The following REV1 variants were observed in gnomAD, a reference collection of about 807,000 sequenced individuals.
The protein encoded by REV1 is REV1 DNA directed polymerase.
In REV1, 42 loss-of-function variants were observed where a neutral mutation model predicts 137.4. That is an observed-to-expected ratio of 0.31 (90% confidence interval 0.24 to 0.40). REV1 has a LOEUF of 0.40. REV1 is among the 10% of genes least tolerant of loss of function. The pLI is 1.00. For synonymous variants in REV1, 524 were observed against 519.2 expected, an observed-to-expected ratio of 1.01 and a Z score of -0.12; for missense variants, 1,282 against 1,490.1, an observed-to-expected ratio of 0.86 and a Z score of 2.30.
chr2:99,484,215 G>A (rs1051513154), intron 1 of REV1, among the ~76,000 whole-genome samples: 1 of 152,162 alleles, frequency 6.6e-6, no homozygotes. Flanking sequence ...TAGACACTGA[G>A]TCTACTTAAG....
chr2:99,435,959 G>A lies in REV1; in HGVS notation c.1214-18C>T, dbSNP rs1680693981. The A allele has an allele frequency of 2.9e-6, 4 of 1,362,560 alleles. No individual in the cohort carries two copies. Among genetic ancestry groups the A allele is most frequent in the Non-Finnish European group, 4.2e-6 (4 of 955,522 alleles). The allele number at this position is 1,362,560 out of a possible 1,614,324, so 84.4% of individuals were successfully genotyped here. On this transcript the variant is annotated intron_variant, in intron 6 of 22. Coordinates refer to ENST00000258428, the MANE Select transcript of REV1 (RefSeq NM_016316.4). ...CATATCTCCTAGAAGGAAAAAGACA[G>A]CATTCAAACCCCAAGCTAATTTTTA... is the stretch of plus-strand genomic sequence containing the variant.
intron 14 of REV1, 46 bp downstream of exon 14, chr2:99,410,649 C>G: frequency 6.8e-7 from 1 of 1,475,884 alleles, no homozygotes; most frequent in Middle Eastern, 1.8e-4. Flanking sequence ...TTACAACAAC[C>G]TGTACTGAAA....
intron 12 of REV1, 64 bp downstream of exon 12, chr2:99,418,764 T>A (rs1036196400): frequency 6.8e-7 from 1 of 1,480,814 alleles, no homozygotes; most frequent in African/African-American, 1.4e-5. Flanking sequence ...CAGTTCTATA[T>A]TATAGATATG....
rs1313681992 is a variant in REV1 at position 99,487,142 on chromosome 2, G to A, written c.-11+2675C>T. Among the ~76,000 whole-genome samples, 3 of 152,202 alleles carry A rather than the reference G, an allele frequency of 2.0e-5. No individual in the cohort carries two copies. The East Asian group carries it at 5.8e-4, about 29-fold the overall frequency. On this transcript the variant is annotated intron_variant, in intron 1 of 22. Transcript: ENST00000258428. Reference sequence around the variant, plus strand: ...ATAGTAAGTATAACATCCTAAGGAAGAAACACTTTGTTCAAGAACCGGCAA... The same window carrying A: ...ATAGTAAGTATAACATCCTAAGGAAAAAACACTTTGTTCAAGAACCGGCAA...
chr2:99,407,078 T>C (rs986965142), intron 15 of REV1: 6 of 106,936 alleles, frequency 5.6e-5, no homozygotes, highest in African/African-American at 2.2e-4. Context: ...CCTACAAAGG[T>C]TCTTTTTTTT....
chr2:99,421,160 T>G (rs1678614801), intron 11 of REV1, among the ~76,000 whole-genome samples: 1 of 151,966 alleles, frequency 6.6e-6, no homozygotes, highest in Non-Finnish European at 1.5e-5. Context: ...GTAACAAGAC[T>G]CAGACTTAAC....
At chr2:99,433,684 T>C (rs533985510) in intron 8 of REV1, among the ~76,000 whole-genome samples, 2 of 152,312 alleles carry the variant, frequency 1.3e-5, no homozygotes, top group South Asian at 2.1e-4. Context: ...CTCTTTGGCT[T>C]TGCAAAACAA....
rs540529048 is a variant in REV1 at position 99,407,608 on chromosome 2, T to C, written c.2448+421A>G. Among the ~76,000 whole-genome samples the C allele has an allele frequency of 4.9e-4, 74 of 151,838 alleles. No homozygotes were observed. The South Asian group carries it at 0.015, about 32-fold the overall frequency. ...TTTTGACATTTTGATGCCTCTTGCC[T>C]GTTTCAAAGGCATCTTGATGTGCCT... On this transcript the variant is annotated intron_variant, in intron 15 of 22. Transcript: ENST00000258428.
Position 99,411,761 on chromosome 2 carries a change from TATGTTA to T in REV1, c.2173-900_2173-895del, listed in dbSNP as rs1677186671. On this transcript the variant is annotated intron_variant, in intron 13 of 22. Transcript: ENST00000258428. Reference sequence around the variant, plus strand: ...GACTTGTCGAAAATTCTTTTGTAACTATGTTAATAAGTTCTGCTAATAAAATGTGTG... The same window carrying T: ...GACTTGTCGAAAATTCTTTTGTAACTATAAGTTCTGCTAATAAAATGTGTG... Among the ~76,000 whole-genome samples, 6 of 152,096 alleles carry T rather than the reference TATGTTA, an allele frequency of 3.9e-5. No individual in the cohort carries two copies. The South Asian group carries it at 1.0e-3, about 26-fold the overall frequency.
intron 1 of REV1, among the ~76,000 whole-genome samples, chr2:99,478,604 C>A (rs1686242060): frequency 6.6e-6 from 1 of 152,134 alleles, no homozygotes; most frequent in Non-Finnish European, 1.5e-5. Flanking sequence ...TCAGGGATTC[C>A]AAAGGCCACA....
chr2:99,465,182 C>T (rs1234175670), intron 1 of REV1, among the ~76,000 whole-genome samples, 197 bp from the exon 2 acceptor site: 3 of 146,120 alleles, frequency 2.1e-5, no homozygotes, highest in Non-Finnish European at 3.0e-5. Flanking sequence ...AAACACCCTC[C>T]TACACATGTT....
Position 99,410,843 on chromosome 2 carries a change from G to A in REV1, c.2197C>T (p.Leu733=). ...CTTTGAATTTCTTCTGAAAGACTCA[G>A]AAGAAAAGCTTCTGCCTCTTTTGGC... The part of the protein sequence containing the change: ...TQPKEAEAFL[L]SLSEEIQRRL... The change falls in exon 14 of 23, where the codon CTG becomes TTG. Residue 733 remains leucine (L), a synonymous_variant. Coordinates refer to ENST00000258428, the MANE Select transcript of REV1 (RefSeq NM_016316.4). 6.3e-7 allele frequency: 1 copy of A among 1,591,846 alleles called. No individual in the cohort carries two copies. Among genetic ancestry groups the A allele is most frequent in the Non-Finnish European group, 8.5e-7 (1 of 1,174,442 alleles).
intron 3 of REV1, among the ~76,000 whole-genome samples, chr2:99,454,091 T>TATC (rs531407849): frequency 3.2e-4 from 48 of 151,786 alleles, no homozygotes; most frequent in African/African-American, 1.0e-3. Flanking sequence ...GCAATGGCTC[T>TATC]ATCATAGCTC....
intron 1 of REV1, among the ~76,000 whole-genome samples, chr2:99,467,892 A>G (rs1684989016): frequency 6.6e-6 from 1 of 151,736 alleles, no homozygotes. Context: ...TTAAAAATAC[A>G]AAAGATTGCT....
intron 3 of REV1, among the ~76,000 whole-genome samples, chr2:99,452,421 T>TG (rs1553561288): frequency 8.0e-6 from 1 of 125,452 alleles, no homozygotes; most frequent in Non-Finnish European, 1.7e-5. Flanking sequence ...AGAGCCTGTC[T>TG]AAAAAAAAAA....
intron 1 of REV1, among the ~76,000 whole-genome samples, chr2:99,489,014 G>A (rs28369929): frequency 0.067 from 10,220 of 152,246 alleles, 590 homozygotes; most frequent in Non-Finnish European, 0.1. Context: ...TTATCTTACG[G>A]AGGAGTACAT....
intron 3 of REV1, among the ~76,000 whole-genome samples, chr2:99,450,656 C>G (rs1041328347): frequency 6.6e-6 from 1 of 151,960 alleles, no homozygotes; most frequent in Non-Finnish European, 1.5e-5. Context: ...TTATGCAAGC[C>G]ACATAAATAA....
At chr2:99,442,271 A>AAC (rs1681605330) in intron 5 of REV1, 46 bp downstream of exon 5, 5 of 1,471,108 alleles carry the variant, frequency 3.4e-6, no homozygotes, top group Non-Finnish European at 4.5e-6. Context: ...AAAAAAAAAA[A>AAC]AAAAACCAAC....
chr2:99,405,757 A>G (rs1676190631), intron 17 of REV1, 153 bp downstream of exon 17: 2 of 495,220 alleles, frequency 4.0e-6, no homozygotes, highest in East Asian at 3.3e-5. Context: ...TTAGAATCCA[A>G]CATCATGATC....
Sources: allele counts gnomAD v4.1 joint callset (sites outside exome capture counted in the v4.1 genomes callset), GRCh38; gene constraint gnomAD v4.1.1; transcripts MANE v1.5; gene names NCBI Gene and HGNC (gene_info 2026-07-23, HGNC 2026-07-21).